MORC1: variants seen among roughly 807,000 people sequenced by gnomAD.
The protein encoded by MORC1 is MORC family CW-type zinc finger protein 1.
In MORC1, 59 loss-of-function variants were observed where a neutral mutation model predicts 134.9. That is an observed-to-expected ratio of 0.44 (90% CI 0.35 to 0.54). The LOEUF is 0.54. MORC1 is among the 20% of genes least tolerant of loss of function. The pLI is 0.00. For missense variants in MORC1, 947 were observed against 1,134.5 expected (o/e 0.83, Z 2.37); for synonymous variants, 395 against 391.7 (o/e 1.01, Z -0.10).
At position 108,971,318 on chromosome 3, in the gene MORC1, A is replaced by T. The variant is rs1242610401; in HGVS notation, c.2550+12T>A. ...TATCATTCCCTCACAGTTCCAAAAA[A>T]AACCAGCTTACCTCACAACTTAATG... On this transcript the variant is annotated intron_variant, in intron 25 of 27. Transcript: ENST00000232603. 6.2e-7 allele frequency: 1 copy of T among 1,611,798 alleles called. No homozygotes were observed. Among genetic ancestry groups the T allele is most frequent in the Non-Finnish European group, 8.5e-7 (1 of 1,178,642 alleles).
At chr3:109,081,886 C>T (rs1030067799) in intron 8 of MORC1, among the ~76,000 whole-genome samples, 6 of 152,194 alleles carry the variant, frequency 3.9e-5, no homozygotes, top group Non-Finnish European at 8.8e-5. Context: ...AGCTTCCCCA[C>T]TATCCTGGGT....
At chr3:108,969,601 T>C (rs1947317718) in intron 26 of MORC1, 68 bp downstream of exon 26, 46 of 1,446,082 alleles carry the variant, frequency 3.2e-5, no homozygotes, top group Non-Finnish European at 3.6e-5. Flanking sequence ...TTTGGAAATG[T>C]ACATTATTTA....
At chr3:109,064,107 T>G (rs1393633595) in intron 9 of MORC1, among the ~76,000 whole-genome samples, 2 of 152,122 alleles carry the variant, frequency 1.3e-5, no homozygotes, top group Non-Finnish European at 2.9e-5. Context: ...TTGTACATAA[T>G]TTTATGTTTA....
At chr3:109,090,389 G>A (rs1265693529) in intron 8 of MORC1, among the ~76,000 whole-genome samples, 1 of 151,918 alleles carries the variant, frequency 6.6e-6, no homozygotes, top group Non-Finnish European at 1.5e-5. Flanking sequence ...AGGCCGAGGT[G>A]GGTGGATCAC....
At chr3:108,989,744 T>C (rs1304714319) in intron 21 of MORC1, among the ~76,000 whole-genome samples, 1 of 152,160 alleles carries the variant, frequency 6.6e-6, no homozygotes, top group Non-Finnish European at 1.5e-5. Flanking sequence ...ACCCCTTCTG[T>C]TTGCACTCGT....
intron 17 of MORC1, among the ~76,000 whole-genome samples, chr3:109,026,426 G>A (rs1461493803): frequency 6.6e-6 from 1 of 152,116 alleles, no homozygotes; most frequent in Admixed American, 6.5e-5. Context: ...TCCACCAGCT[G>A]CCATCAGATT....
chr3:109,041,120 GC>G (rs1207874945), intron 14 of MORC1, among the ~76,000 whole-genome samples: 1 of 151,100 alleles, frequency 6.6e-6, no homozygotes, highest in Non-Finnish European at 1.5e-5. Context: ...GACCATCCTG[GC>G]CAACATGGTG....
intron 3 of MORC1, chr3:109,109,640 AG>A (rs1951118370): frequency 6.6e-6 from 1 of 152,198 alleles, no homozygotes; most frequent in Admixed American, 6.5e-5. Context: ...TTTTCTCACT[AG>A]AAAGGCCCTA....
intron 21 of MORC1, among the ~76,000 whole-genome samples, chr3:108,992,224 C>G (rs1287349028): frequency 2.0e-5 from 3 of 152,156 alleles, no homozygotes; most frequent in Non-Finnish European, 4.4e-5. Context: ...ATGTTCTCTT[C>G]AGAGTTCCCT....
chr3:108,979,585 C>T lies in MORC1; in HGVS notation c.2407G>A (p.Ala803Thr), dbSNP rs1296113727. 6 of 1,614,190 alleles carry T rather than the reference C, an allele frequency of 3.7e-6. No homozygotes were observed. The highest frequency in any genetic ancestry group is 1.3e-5 in the African/African-American group (1 of 75,074). The change falls in exon 24 of 28, where the codon GCT becomes ACT. Residue 803 changes from alanine (A) to threonine (T), a missense_variant. Physicochemically the swap from Ala to Thr is moderately conservative, Grantham distance 58. This residue lies in a region of MORC1 where 722 missense variants were observed against 817.0 expected (regional missense o/e 0.88). Transcript: ENST00000232603. ...CTTTGAGAAGACGCTGGCGAAGAAG[C>T]AACTTTACAACTGCCACTCACAGAA... ...RVSVSGSCKV[A>T]SSPASSQSTP...
In MORC1 at chr3:109,007,941, A is replaced by ATGTGTGTGTG. The variant is rs113629397; in HGVS notation, c.1705-860_1705-851dup. ...ATATAGCATATATAAGCACATATAT[A>ATGTGTGTGTG]TGTGTGTGTGTGTGTGTGTGTGTAT... is the stretch of plus-strand genomic sequence containing the variant. On this transcript the variant is annotated intron_variant, in intron 17 of 27. Transcript: ENST00000232603. Among the ~76,000 whole-genome samples, 438 of 149,596 alleles carry ATGTGTGTGTG rather than the reference A, an allele frequency of 2.9e-3. 1 individual carries two copies. The highest frequency in any genetic ancestry group is 0.013 in the South Asian group (60 of 4,692).
chr3:109,094,261 CA>C (rs1950786350), intron 7 of MORC1, among the ~76,000 whole-genome samples: 1 of 152,078 alleles, frequency 6.6e-6, no homozygotes, highest in African/African-American at 2.4e-5. Flanking sequence ...GATTATGATA[CA>C]AAGTCAAACA....
chr3:108,994,532 GATT>G (rs1219675610), intron 21 of MORC1, among the ~76,000 whole-genome samples: 1 of 152,086 alleles, frequency 6.6e-6, no homozygotes, highest in African/African-American at 2.4e-5. Flanking sequence ...GTAACTGAAA[GATT>G]ATTATTATAA....
chr3:109,089,725 C>T (rs1029227688), intron 8 of MORC1, among the ~76,000 whole-genome samples: 2 of 152,120 alleles, frequency 1.3e-5, no homozygotes, highest in African/African-American at 4.8e-5. Flanking sequence ...TTAGTAAACA[C>T]ACCTAGCCCA....
intron 5 of MORC1, 84 bp from the exon 6 acceptor site, chr3:109,099,550 G>GT (rs1168720540): frequency 1.5e-5 from 15 of 972,590 alleles, no homozygotes; most frequent in Non-Finnish European, 2.2e-5. Flanking sequence ...ACCGTGTACT[G>GT]TAACAGGATG....
At chr3:109,035,040 T>C (rs975597719) in intron 15 of MORC1, among the ~76,000 whole-genome samples, 1 of 152,148 alleles carries the variant, frequency 6.6e-6, no homozygotes, top group African/African-American at 2.4e-5. Context: ...TGAGCCACCA[T>C]GCCTGGCCTG....
intron 11 of MORC1, among the ~76,000 whole-genome samples, chr3:109,060,741 G>A (rs1424752853): frequency 1.3e-5 from 2 of 152,096 alleles, no homozygotes; most frequent in Non-Finnish European, 2.9e-5. Flanking sequence ...GTGCATCAGA[G>A]CAACAGGACA....
chr3:109,065,307 T>C (rs995367490), intron 9 of MORC1, among the ~76,000 whole-genome samples: 1 of 152,186 alleles, frequency 6.6e-6, no homozygotes, highest in South Asian at 2.1e-4. Flanking sequence ...ATCTGCCCAA[T>C]CTACTTCGAT....
chr3:109,004,295 G>A (rs892628443), intron 20 of MORC1, among the ~76,000 whole-genome samples: 2 of 152,076 alleles, frequency 1.3e-5, no homozygotes, highest in South Asian at 2.1e-4. Context: ...CTTTAAGGTC[G>A]AATTTAATTT....
Sources: allele counts gnomAD v4.1 joint callset (sites outside exome capture counted in the v4.1 genomes callset), GRCh38; gene constraint gnomAD v4.1.1; regional missense constraint gnomAD v4.1.1; transcripts MANE v1.5; gene names NCBI Gene and HGNC (gene_info 2026-07-23, HGNC 2026-07-21).